Variants in ASTN2 observed in about 807,000 individuals in gnomAD.
ASTN2 encodes astrotactin-2.
In ASTN2, 54 loss-of-function variants were observed where a neutral mutation model predicts 139.8. The ratio of observed to expected loss-of-function variants is 0.39; its 90% CI spans 0.31 to 0.48. The LOEUF (loss-of-function observed/expected upper bound fraction) is 0.48, where lower values mean the gene tolerates loss of function less well. ASTN2 is among the 20% of genes least tolerant of loss of function. The probability of loss-of-function intolerance (pLI) is 0.95; values close to 1 mark genes in which losing one functional copy is unlikely to be tolerated. For missense variants in ASTN2, 1,565 were observed against 1,725.1 expected, an observed-to-expected ratio of 0.91 and a Z score of 1.64; for synonymous variants, 756 against 719.5, an observed-to-expected ratio of 1.05 and a Z score of -0.81.
At chr9:117,087,957 G>A (rs1828610953) in intron 5 of ASTN2, among the ~76,000 whole-genome samples, 1 of 152,274 alleles carries the variant, frequency 6.6e-6, no homozygotes, top group South Asian at 2.1e-4. Context: ...TACAAAGAAT[G>A]CCTATCTATC....
intron 3 of ASTN2, among the ~76,000 whole-genome samples, chr9:117,171,627 G>A (rs1830795867): frequency 6.6e-6 from 1 of 152,042 alleles, no homozygotes; most frequent in Non-Finnish European, 1.5e-5. Context: ...TCGTGATAGT[G>A]AGTGAGATCT....
At chr9:117,170,898 T>C (rs1435758519) in intron 3 of ASTN2, among the ~76,000 whole-genome samples, 1 of 152,150 alleles carries the variant, frequency 6.6e-6, no homozygotes, top group African/African-American at 2.4e-5. Flanking sequence ...TTGTCCACAT[T>C]AGGTTCCACA....
At chr9:117,331,374 G>A (rs955954912) in intron 1 of ASTN2, among the ~76,000 whole-genome samples, 1 of 152,106 alleles carries the variant, frequency 6.6e-6, no homozygotes, top group African/African-American at 2.4e-5. Flanking sequence ...CTTTGGAAAG[G>A]GACTCAGTTG....
intron 20 of ASTN2, among the ~76,000 whole-genome samples, chr9:116,448,048 C>T (rs551465532): frequency 2.0e-5 from 3 of 152,334 alleles, no homozygotes; most frequent in South Asian, 2.1e-4. Flanking sequence ...AGGCCCACGT[C>T]AGGCCTGGGT....
At chr9:117,331,927 C>A (rs540235556) in intron 1 of ASTN2, among the ~76,000 whole-genome samples, 7 of 152,058 alleles carry the variant, frequency 4.6e-5, no homozygotes, top group Non-Finnish European at 7.4e-5. Context: ...TCCATTCATA[C>A]CCCATTTAAT....
intron 4 of ASTN2, among the ~76,000 whole-genome samples, chr9:117,129,598 A>G (rs1407906350): frequency 2.6e-5 from 4 of 152,212 alleles, no homozygotes; most frequent in East Asian, 1.9e-4. Flanking sequence ...AAATTTTTCT[A>G]TATTATTATT....
intron 16 of ASTN2, among the ~76,000 whole-genome samples, chr9:116,653,528 A>C (rs553042579): frequency 1.3e-5 from 2 of 152,228 alleles, no homozygotes; most frequent in Non-Finnish European, 2.9e-5. Context: ...TGTGCAGTGC[A>C]TAATCTGAGT....
chr9:116,656,682 C>CAAA (rs33989865), intron 16 of ASTN2, among the ~76,000 whole-genome samples: 64 of 109,864 alleles, frequency 5.8e-4, no homozygotes, highest in African/African-American at 2.2e-3. Context: ...TTGTTGCCAC[C>CAAA]AAAAAAAAAA....
At chr9:116,581,026 CTT>C (rs1853928168) in intron 19 of ASTN2, among the ~76,000 whole-genome samples, 2 of 152,228 alleles carry the variant, frequency 1.3e-5, no homozygotes, top group South Asian at 4.1e-4. Flanking sequence ...TTGTTGGACT[CTT>C]TTCCCTGGGG....
chr9:117,038,382 G>C (rs1204246129), intron 6 of ASTN2, among the ~76,000 whole-genome samples: 1 of 152,124 alleles, frequency 6.6e-6, no homozygotes, highest in Non-Finnish European at 1.5e-5. Flanking sequence ...CGTCTACAGA[G>C]CACTAACTGG....
At chr9:116,748,806 T>C (rs1485739307) in intron 13 of ASTN2, among the ~76,000 whole-genome samples, 1 of 152,106 alleles carries the variant, frequency 6.6e-6, no homozygotes, top group Non-Finnish European at 1.5e-5. Flanking sequence ...TGCCAATAAC[T>C]TGCTGTGTGA....
intron 10 of ASTN2, among the ~76,000 whole-genome samples, chr9:116,900,131 T>C (rs1833970875): frequency 6.6e-6 from 1 of 152,222 alleles, no homozygotes; most frequent in Non-Finnish European, 1.5e-5. Flanking sequence ...AATCTGCATT[T>C]ATTAAACTAT....
At chr9:116,835,348 G>A (rs566992803) in intron 11 of ASTN2, among the ~76,000 whole-genome samples, 10 of 141,032 alleles carry the variant, frequency 7.1e-5, no homozygotes, top group Admixed American at 2.8e-4. Flanking sequence ...CCCAAAACAC[G>A]TTTCTTGACA....
At chr9:116,559,042 T>C (rs763721326) in intron 19 of ASTN2, among the ~76,000 whole-genome samples, 3 of 152,126 alleles carry the variant, frequency 2.0e-5, no homozygotes, top group Non-Finnish European at 1.5e-5. Context: ...CATTCAAGGG[T>C]AGGGAAGCAG....
intron 13 of ASTN2, among the ~76,000 whole-genome samples, chr9:116,768,572 A>G (rs1166075726): frequency 6.6e-6 from 1 of 152,150 alleles, no homozygotes; most frequent in Non-Finnish European, 1.5e-5. Flanking sequence ...TCCCTGATGA[A>G]TTAATCTGTT....
chr9:116,509,797 T>C (rs1251225649), intron 19 of ASTN2, among the ~76,000 whole-genome samples: 5 of 152,236 alleles, frequency 3.3e-5, no homozygotes, highest in African/African-American at 1.2e-4. Context: ...GTAGGCTGCA[T>C]AAATGTCTTC....
chr9:116,817,345 G>A (rs1398559447), intron 12 of ASTN2, among the ~76,000 whole-genome samples: 2 of 152,002 alleles, frequency 1.3e-5, no homozygotes, highest in African/African-American at 2.4e-5. Flanking sequence ...CTTGTTCCAA[G>A]GTAACTGCAT....
At chr9:117,310,871 G>A (rs570106003) in intron 1 of ASTN2, among the ~76,000 whole-genome samples, 1 of 152,198 alleles carries the variant, frequency 6.6e-6, no homozygotes, top group East Asian at 1.9e-4. Flanking sequence ...CAATCTTCCC[G>A]CCTTGGTTTC....
chr9:116,446,255 G>GGAGAGAGAGAGAGAGAGA (rs373227100), intron 20 of ASTN2, among the ~76,000 whole-genome samples: 22 of 114,000 alleles, frequency 1.9e-4, no homozygotes, highest in Admixed American at 6.8e-4. Flanking sequence ...GAGGGGAGAG[G>GGAGAGAGAGAGAGAGAGA]GAGAGAGAGA....
Sources: allele counts gnomAD v4.1 joint callset (sites outside exome capture counted in the v4.1 genomes callset), GRCh38; gene constraint gnomAD v4.1.1; transcripts MANE v1.5; gene names NCBI Gene and HGNC (gene_info 2026-07-23, HGNC 2026-07-21).